The following TRAF3 variants were observed in gnomAD, a reference collection of about 807,000 sequenced individuals.
The protein encoded by TRAF3 is TNF receptor-associated factor 3.
Under a neutral mutation model 62.3 loss-of-function variants are expected in TRAF3, and 13 were observed. The ratio of observed to expected loss-of-function variants is 0.21; its 90% CI spans 0.14 to 0.33. The LOEUF (loss-of-function observed/expected upper bound fraction) is 0.33. Among genes scored for constraint, TRAF3 ranks in the 10% least tolerant of loss-of-function variants. The probability of loss-of-function intolerance (pLI) is 1.00; values close to 1 mark genes in which losing one functional copy is unlikely to be tolerated. For synonymous variants in TRAF3, 269 were observed against 283.4 expected (o/e 0.95, Z 0.51); for missense variants, 440 against 741.8 (o/e 0.59, Z 4.73).
intron 2 of TRAF3, among the ~76,000 whole-genome samples, chr14:102,832,413 C>T (rs1443814528): frequency 2.0e-5 from 3 of 152,188 alleles, no homozygotes. Context: ...GTGGCTCACA[C>T]CTGTAATCCC....
intron 2 of TRAF3, among the ~76,000 whole-genome samples, chr14:102,859,926 A>G (rs1887585350): frequency 6.6e-6 from 1 of 152,224 alleles, no homozygotes; most frequent in South Asian, 2.1e-4. Context: ...CAGAGCCCCA[A>G]AACTTGAGGG....
At chr14:102,894,328 A>G (rs1362824550) in intron 9 of TRAF3, among the ~76,000 whole-genome samples, 1 of 152,026 alleles carries the variant, frequency 6.6e-6, no homozygotes, top group Non-Finnish European at 1.5e-5. Context: ...CTCGTCTCCA[A>G]AAAAAAAGAC....
intron 1 of TRAF3, among the ~76,000 whole-genome samples, chr14:102,797,268 A>G (rs1898144773): frequency 6.6e-6 from 1 of 152,188 alleles, no homozygotes; most frequent in African/African-American, 2.4e-5. Context: ...TTGGAGTGAA[A>G]CATGTAATGT....
chr14:102,880,638 A>G (rs972490336), intron 6 of TRAF3, among the ~76,000 whole-genome samples: 5 of 152,238 alleles, frequency 3.3e-5, no homozygotes, highest in East Asian at 1.9e-4. Context: ...AAATCATTCT[A>G]TTATAAGGAT....
intron 1 of TRAF3, among the ~76,000 whole-genome samples, chr14:102,795,969 C>A (rs1028425418): frequency 2.0e-5 from 3 of 152,324 alleles, no homozygotes; most frequent in East Asian, 3.9e-4. Context: ...GTAATCCCAG[C>A]ACTTTGGGAG....
intron 2 of TRAF3, among the ~76,000 whole-genome samples, chr14:102,850,343 A>G (rs926687540): frequency 1.3e-5 from 2 of 152,176 alleles, no homozygotes; most frequent in Non-Finnish European, 2.9e-5. Flanking sequence ...CATGTCTAAG[A>G]CTGTAGCAAA....
chr14:102,823,610 C>T (rs1900110681), intron 1 of TRAF3, among the ~76,000 whole-genome samples: 2 of 152,242 alleles, frequency 1.3e-5, no homozygotes, highest in South Asian at 4.1e-4. Context: ...CATCTTTTGG[C>T]ATAGTGGAAA....
chr14:102,815,687 G>A (rs964211773), intron 1 of TRAF3, among the ~76,000 whole-genome samples: 5 of 152,218 alleles, frequency 3.3e-5, no homozygotes, highest in African/African-American at 7.2e-5. Context: ...TCCCCAGACT[G>A]GGTAGTTTTT....
intron 2 of TRAF3, among the ~76,000 whole-genome samples, chr14:102,848,008 C>T (rs972653846): frequency 6.6e-6 from 1 of 152,148 alleles, no homozygotes; most frequent in African/African-American, 2.4e-5. Context: ...TCCAAAATCT[C>T]TCGGCCCTAC....
At position 102,889,553 on chromosome 14, in the gene TRAF3, G is replaced by A. The variant is rs756741999; in HGVS notation, c.652-7G>A. ...GTGCCACAACTCACGTCTCTTTCCC[G>A]TTGCAGTTGAGTGCACACTTGTCAG... On this transcript the variant is annotated splice_polypyrimidine_tract_variant and splice_region_variant and intron_variant, in intron 7 of 11. Coordinates refer to ENST00000392745, the MANE Select transcript of TRAF3 (RefSeq NM_145725.3). 8.1e-5 allele frequency: 131 copies of A among 1,614,028 alleles called. No homozygotes were observed. Among genetic ancestry groups the A allele is most frequent in the South Asian group, 5.1e-4 (46 of 91,084 alleles).
At chr14:102,891,736 G>T (rs1043194574) in intron 9 of TRAF3, among the ~76,000 whole-genome samples, 1 of 151,038 alleles carries the variant, frequency 6.6e-6, no homozygotes. Context: ...AAGTTTTATT[G>T]GAAGACAGCC....
intron 1 of TRAF3, among the ~76,000 whole-genome samples, chr14:102,804,954 G>T (rs766087961): frequency 6.6e-6 from 1 of 152,140 alleles, no homozygotes; most frequent in Non-Finnish European, 1.5e-5. Context: ...AGTGGTTCTT[G>T]TCTATACCAC....
intron 1 of TRAF3, among the ~76,000 whole-genome samples, chr14:102,824,807 T>C (rs1900201550): frequency 6.6e-6 from 1 of 152,236 alleles, no homozygotes; most frequent in African/African-American, 2.4e-5. Flanking sequence ...GCCCTGTAGG[T>C]CTCTCATCAT....
intron 6 of TRAF3, among the ~76,000 whole-genome samples, chr14:102,880,832 C>T (rs984276621): frequency 7.2e-5 from 11 of 152,180 alleles, no homozygotes; most frequent in African/African-American, 2.4e-4. Flanking sequence ...AATCGCAGCA[C>T]TTTGGGAGGC....
At chr14:102,842,618 A>G (rs550090210) in intron 2 of TRAF3, among the ~76,000 whole-genome samples, 2 of 152,188 alleles carry the variant, frequency 1.3e-5, no homozygotes, top group African/African-American at 4.8e-5. Context: ...AATGCAAACT[A>G]TGAAGCTCAA....
intron 7 of TRAF3, among the ~76,000 whole-genome samples, 197 bp downstream of exon 7, chr14:102,886,466 C>T (rs1889395663): frequency 6.6e-6 from 1 of 152,114 alleles, no homozygotes; most frequent in Admixed American, 6.5e-5. Flanking sequence ...TTAAAAGCTA[C>T]AGTGTATGGC....
At chr14:102,796,265 C>T (rs981144524) in intron 1 of TRAF3, among the ~76,000 whole-genome samples, 1 of 152,222 alleles carries the variant, frequency 6.6e-6, no homozygotes, top group Non-Finnish European at 1.5e-5. Context: ...TTCCAAATGG[C>T]GGAACACGTG....
rs1595418028 is a variant in TRAF3, at chr14:102,905,929, A to G, written c.*145A>G. Reference sequence around the variant, plus strand: ...AAGGCGGACGCGTGCCGGCGGGAGGAGCCACGCGTGAGCACACCTGACACG... The same window carrying G: ...AAGGCGGACGCGTGCCGGCGGGAGGGGCCACGCGTGAGCACACCTGACACG... On this transcript the variant is annotated 3_prime_UTR_variant, in exon 12 of 12. Transcript: ENST00000392745. 1 of 671,752 alleles carries G rather than the reference A, an allele frequency of 1.5e-6. No individual in the cohort carries two copies. Among genetic ancestry groups the G allele is most frequent in the Non-Finnish European group, 2.5e-6 (1 of 394,474 alleles). The allele number at this position is 671,752 out of a possible 1,614,324, so 41.6% of individuals were successfully genotyped here. A position where few individuals can be genotyped will look rare whatever the true frequency, so the allele number is the denominator to read the frequency against.
In TRAF3 at chr14:102,899,413, C is replaced by T. The variant is rs568020193; in HGVS notation, c.960+2012C>T. ...TTCCCCACTGTTTCATCCTCAGAGC[C>T]CTTCCTGTTGCCCCAGGAAGGGTTT... is the stretch of plus-strand genomic sequence containing the variant. On this transcript the variant is annotated intron_variant, in intron 10 of 11. Coordinates refer to ENST00000392745, the MANE Select transcript of TRAF3 (RefSeq NM_145725.3). Among the ~76,000 whole-genome samples, 260 of 152,282 alleles carry T rather than the reference C, an allele frequency of 1.7e-3. 4 individuals are homozygous for T. Among genetic ancestry groups the T allele is most frequent in the East Asian group, 1.4e-3 (7 of 5,174 alleles).
Sources: gnomAD v4.1 joint callset for allele counts (sites outside exome capture counted in the v4.1 genomes callset) on GRCh38, gnomAD v4.1.1 for gene constraint, MANE v1.5 for transcripts, NCBI Gene and HGNC (gene_info 2026-07-23, HGNC 2026-07-21) for gene names.